Variants in NRG3 observed in about 807,000 individuals in gnomAD.
The protein encoded by NRG3 is pro-neuregulin-3, membrane-bound isoform.
Under a neutral mutation model 66.9 loss-of-function variants are expected in NRG3, and 31 were observed. The observed-to-expected ratio is 0.46, with a 90% CI of 0.35 to 0.63. The LOEUF (loss-of-function observed/expected upper bound fraction) is 0.63. NRG3 is among the 20% of genes least tolerant of loss of function. The pLI is 0.00. For missense variants in NRG3, 910 were observed against 878.9 expected (o/e 1.04, Z -0.45); for synonymous variants, 393 against 359.4 (o/e 1.09, Z -1.06).
At chr10:82,717,604 T>C (rs1241552110) in intron 2 of NRG3, among the ~76,000 whole-genome samples, 1 of 151,994 alleles carries the variant, frequency 6.6e-6, no homozygotes, top group Non-Finnish European at 1.5e-5. Flanking sequence ...TTTCACCACG[T>C]TAGTAGTAGA....
chr10:81,978,238 TGA>T (rs1309752801), intron 1 of NRG3, among the ~76,000 whole-genome samples: 1 of 152,180 alleles, frequency 6.6e-6, no homozygotes, highest in Admixed American at 6.6e-5. Context: ...GATATATGGA[TGA>T]GAGGACAACA....
At chr10:82,421,153 G>A (rs947565405) in intron 2 of NRG3, among the ~76,000 whole-genome samples, 3 of 152,096 alleles carry the variant, frequency 2.0e-5, no homozygotes, top group African/African-American at 7.2e-5. Context: ...ATATCTATGA[G>A]TGAACCTTCA....
chr10:82,303,665 C>G (rs936907875), intron 1 of NRG3, among the ~76,000 whole-genome samples: 4 of 152,016 alleles, frequency 2.6e-5, no homozygotes, highest in African/African-American at 9.7e-5. Flanking sequence ...GTCAGGAGTT[C>G]AAGACCAGCA....
intron 2 of NRG3, among the ~76,000 whole-genome samples, chr10:82,379,755 G>A (rs1011810740): frequency 1.3e-5 from 2 of 151,740 alleles, no homozygotes; most frequent in African/African-American, 4.8e-5. Flanking sequence ...TGTAAACTGG[G>A]CCAGAAGTAT....
rs577677348 is a variant in NRG3 at position 82,529,205 on chromosome 10, G to A, written c.953+170337G>A. On this transcript the variant is annotated intron_variant, in intron 2 of 8. Transcript: ENST00000372141. ...GACATAACAAAGTCTTCTCAAATGC[G>A]ACTAAGGACTGCTAACTCTGTGGCT... 3.3e-5 allele frequency among the ~76,000 whole-genome samples: 5 copies of A among 152,278 alleles called. No individual in the cohort carries two copies. In the South Asian group the frequency reaches 8.3e-4, roughly 25 times the overall value.
intron 1 of NRG3, among the ~76,000 whole-genome samples, chr10:81,987,650 T>C (rs1456993070): frequency 1.3e-5 from 2 of 152,174 alleles, no homozygotes; most frequent in African/African-American, 4.8e-5. Flanking sequence ...CGTTGATCAA[T>C]ATGAATGACA....
chr10:82,172,679 T>C (rs1475404625), intron 1 of NRG3, among the ~76,000 whole-genome samples: 1 of 152,104 alleles, frequency 6.6e-6, no homozygotes, highest in Admixed American at 6.6e-5. Context: ...TCTATCTCCA[T>C]GCCTGGGGTC....
chr10:82,757,978 C>G (rs2059146605), intron 3 of NRG3, among the ~76,000 whole-genome samples: 1 of 151,910 alleles, frequency 6.6e-6, no homozygotes, highest in Non-Finnish European at 1.5e-5. Context: ...TTGTTCTCAG[C>G]CTTTCTCTAT....
intron 1 of NRG3, among the ~76,000 whole-genome samples, chr10:82,214,639 A>AT (rs1165268610): frequency 2.0e-5 from 3 of 151,656 alleles, no homozygotes; most frequent in African/African-American, 2.4e-5. Flanking sequence ...ATTAAAAAAA[A>AT]TTTTTTTTGC....
chr10:82,558,288 T>C (rs1330715192), intron 2 of NRG3, among the ~76,000 whole-genome samples: 2 of 152,206 alleles, frequency 1.3e-5, no homozygotes. Context: ...AAGTGCCTAT[T>C]GCCTGAATTA....
At chr10:82,937,135 GT>G (rs1340539482) in intron 4 of NRG3, among the ~76,000 whole-genome samples, 1 of 152,126 alleles carries the variant, frequency 6.6e-6, no homozygotes, top group African/African-American at 2.4e-5. Flanking sequence ...ATTGGAAATT[GT>G]TTTCAAATAG....
At chr10:82,450,387 A>G (rs551848671) in intron 2 of NRG3, among the ~76,000 whole-genome samples, 2 of 152,282 alleles carry the variant, frequency 1.3e-5, no homozygotes, top group East Asian at 3.9e-4. Flanking sequence ...CTAATCTTCT[A>G]GCAAGTCAAG....
chr10:82,227,235 T>G (rs1171336192), intron 1 of NRG3, among the ~76,000 whole-genome samples: 1 of 152,128 alleles, frequency 6.6e-6, no homozygotes, highest in South Asian at 2.1e-4. Flanking sequence ...TTTTCCTCTT[T>G]CCACATACTG....
chr10:82,430,936 T>C (rs1416991127), intron 2 of NRG3, among the ~76,000 whole-genome samples: 1 of 152,190 alleles, frequency 6.6e-6, no homozygotes, highest in Non-Finnish European at 1.5e-5. Context: ...CAACAGTCAG[T>C]GTGAGATGTT....
At chr10:82,049,497 G>A (rs890642494) in intron 1 of NRG3, among the ~76,000 whole-genome samples, 6 of 152,032 alleles carry the variant, frequency 3.9e-5, no homozygotes, top group Non-Finnish European at 1.5e-5. Flanking sequence ...GGGCTGCCAA[G>A]TAACTTTCCA....
chr10:82,380,635 C>CTTA (rs914293281), intron 2 of NRG3, among the ~76,000 whole-genome samples: 61 of 152,130 alleles, frequency 4.0e-4, no homozygotes, highest in African/African-American at 1.4e-3. Context: ...GAAATGAGTA[C>CTTA]AGATTAACAC....
intron 1 of NRG3, among the ~76,000 whole-genome samples, chr10:82,105,475 C>A (rs1241638315): frequency 6.6e-6 from 1 of 152,064 alleles, no homozygotes; most frequent in African/African-American, 2.4e-5. Flanking sequence ...GGATAGGGGA[C>A]CCTGTCTGGC....
At chr10:82,246,360 A>G (rs984172888) in intron 1 of NRG3, among the ~76,000 whole-genome samples, 1 of 152,122 alleles carries the variant, frequency 6.6e-6, no homozygotes, top group Non-Finnish European at 1.5e-5. Context: ...TTTGACATGC[A>G]TTTCTTGAGG....
intron 1 of NRG3, among the ~76,000 whole-genome samples, chr10:82,018,109 G>GT (rs1299610001): frequency 6.6e-6 from 1 of 152,114 alleles, no homozygotes; most frequent in African/African-American, 2.4e-5. Flanking sequence ...ATTAATTTTT[G>GT]TGTAAGGTGT....
Sources: allele counts gnomAD v4.1 joint callset (sites outside exome capture counted in the v4.1 genomes callset), GRCh38; gene constraint gnomAD v4.1.1; transcripts MANE v1.5; gene names NCBI Gene and HGNC (gene_info 2026-07-23, HGNC 2026-07-21).